The following RBFOX1 variants were observed in gnomAD, a reference collection of about 807,000 sequenced individuals.
The protein encoded by RBFOX1 is RNA binding fox-1 homolog 1.
RBFOX1 carries 8 observed loss-of-function variants against 57.7 expected under a neutral mutation model. The observed-to-expected ratio is 0.14, with a 90% confidence interval of 0.08 to 0.25. The LOEUF is 0.25. Ranked by LOEUF, RBFOX1 falls within the 10% of genes least tolerant of loss-of-function variation. The probability of loss-of-function intolerance (pLI) is 1.00; values close to 1 mark genes in which losing one functional copy is unlikely to be tolerated. For missense variants in RBFOX1, 611 were observed against 548.5 expected (o/e 1.11, Z -1.14); for synonymous variants, 326 against 222.4 (o/e 1.47, Z -4.15).
intron 4 of RBFOX1, among the ~76,000 whole-genome samples, chr16:5,994,607 A>C (rs758054904): frequency 6.6e-6 from 1 of 152,144 alleles, no homozygotes; most frequent in Non-Finnish European, 1.5e-5. Flanking sequence ...TGTAGGTCCT[A>C]CAGTCTCCAT....
chr16:7,363,381 C>G (rs548490412), intron 4 of RBFOX1, among the ~76,000 whole-genome samples: 1 of 152,108 alleles, frequency 6.6e-6, no homozygotes, highest in Non-Finnish European at 1.5e-5. Flanking sequence ...AAAACAAAGC[C>G]AATTGCATTA....
intron 4 of RBFOX1, among the ~76,000 whole-genome samples, chr16:7,230,301 C>T (rs567574817): frequency 9.2e-5 from 14 of 152,148 alleles, no homozygotes; most frequent in Admixed American, 7.2e-4. Flanking sequence ...GTCTAGTGGA[C>T]AAGGCAAAAC....
chr16:7,585,911 C>G (rs1409200728), intron 6 of RBFOX1, among the ~76,000 whole-genome samples: 2 of 152,048 alleles, frequency 1.3e-5, no homozygotes, highest in African/African-American at 2.4e-5. Context: ...CTTTTTTATC[C>G]TGCCCCACCC....
intron 2 of RBFOX1, among the ~76,000 whole-genome samples, chr16:5,533,132 A>C (rs1337217589): frequency 6.6e-6 from 1 of 152,224 alleles, no homozygotes; most frequent in African/African-American, 2.4e-5. Context: ...TCGTCATAAC[A>C]GGTGGGAGAA....
chr16:5,990,923 G>T (rs1247695868), intron 4 of RBFOX1, among the ~76,000 whole-genome samples: 1 of 152,110 alleles, frequency 6.6e-6, no homozygotes, highest in Non-Finnish European at 1.5e-5. Context: ...GCAGTGAGAT[G>T]AGCACACACC....
intron 4 of RBFOX1, among the ~76,000 whole-genome samples, chr16:7,297,592 T>A (rs1020723339): frequency 6.6e-5 from 10 of 152,138 alleles, no homozygotes; most frequent in African/African-American, 2.2e-4. Flanking sequence ...CAGTAGTGGC[T>A]TTAAGCAGGT....
intron 2 of RBFOX1, among the ~76,000 whole-genome samples, chr16:5,519,027 A>G (rs1189208690): frequency 1.3e-5 from 2 of 152,174 alleles, no homozygotes; most frequent in East Asian, 3.9e-4. Flanking sequence ...TGAGAACACG[A>G]ATGTACAGAA....
At chr16:6,146,370 A>C (rs928395903) in intron 1 of RBFOX1, among the ~76,000 whole-genome samples, 12 of 152,208 alleles carry the variant, frequency 7.9e-5, no homozygotes, top group African/African-American at 2.9e-4. Flanking sequence ...TAGCCTCCAA[A>C]ATTGTAGATC....
chr16:6,001,944 A>T (rs1005347251), intron 4 of RBFOX1, among the ~76,000 whole-genome samples: 2 of 150,370 alleles, frequency 1.3e-5, no homozygotes, highest in Non-Finnish European at 2.9e-5. Flanking sequence ...CCCTTCAAAC[A>T]TGAATAATCT....
intron 3 of RBFOX1, among the ~76,000 whole-genome samples, chr16:6,753,025 T>A (rs2154192670): frequency 6.6e-6 from 1 of 152,294 alleles, no homozygotes; most frequent in South Asian, 2.1e-4. Flanking sequence ...AATTTCAAAA[T>A]TTATTGTAAC....
At chr16:6,910,620 G>C (rs761221016) in intron 3 of RBFOX1, among the ~76,000 whole-genome samples, 7 of 152,170 alleles carry the variant, frequency 4.6e-5, no homozygotes, top group Non-Finnish European at 8.8e-5. Flanking sequence ...TATGGGAGAA[G>C]GCAGTTTCCC....
chr16:5,866,234 T>C (rs963593548), intron 3 of RBFOX1, among the ~76,000 whole-genome samples: 4 of 152,126 alleles, frequency 2.6e-5, no homozygotes, highest in African/African-American at 9.7e-5. Flanking sequence ...CTCCCAAAGT[T>C]CTGGGATTAT....
chr16:6,122,695 G>A (rs1412636100), intron 1 of RBFOX1, among the ~76,000 whole-genome samples: 3 of 152,064 alleles, frequency 2.0e-5, no homozygotes, highest in Admixed American at 2.0e-4. Context: ...TATTGAAGGG[G>A]AAAGGAGTAA....
chr16:6,296,622 G>A (rs545042690), intron 1 of RBFOX1, among the ~76,000 whole-genome samples: 15 of 152,200 alleles, frequency 9.9e-5, no homozygotes, highest in East Asian at 1.9e-4. Flanking sequence ...CGGTTTCACC[G>A]TGTTAGCTGG....
chr16:7,069,974 C>G (rs1277413996), intron 4 of RBFOX1, among the ~76,000 whole-genome samples: 2 of 152,310 alleles, frequency 1.3e-5, no homozygotes, highest in East Asian at 3.9e-4. Context: ...ATAATTCCAT[C>G]AAGTAAGGTT....
Position 7,001,564 on chromosome 16 carries a change from C to T in RBFOX1, c.-15-50493C>T, listed in dbSNP as rs9928308. Among the ~76,000 whole-genome samples the T allele has an allele frequency of 3.1e-4, 47 of 152,246 alleles. 1 individual carries two copies. Among genetic ancestry groups the T allele is most frequent in the African/African-American group, 1.1e-3 (47 of 41,560 alleles). On this transcript the variant is annotated intron_variant, in intron 3 of 15. Transcript: ENST00000550418. The stretch of plus-strand genomic sequence containing the variant: ...CTCCGCCTCCCGGGTTCAAGTGATG[C>T]TCCTACATCAGCCTCCCGAGTAGCT...
intron 4 of RBFOX1, among the ~76,000 whole-genome samples, chr16:7,054,234 T>TGGG (rs2051218226): frequency 7.0e-5 from 2 of 28,394 alleles, no homozygotes; most frequent in African/African-American, 2.7e-4. Flanking sequence ...GGCGGGGAGC[T>TGGG]TTTTTTTTTT....
chr16:6,795,003 C>T lies in RBFOX1; in HGVS notation c.-16+140353C>T, dbSNP rs150098856. ...GAGTGAGGGCTAAAATTCACATCTC[C>T]TGACAGTCAGCTTAATTCTCTTTTC... is the stretch of plus-strand genomic sequence containing the variant. On this transcript the variant is annotated intron_variant, in intron 3 of 15. Coordinates refer to ENST00000550418, the MANE Select transcript of RBFOX1 (RefSeq NM_018723.4). Among the ~76,000 whole-genome samples the T allele has an allele frequency of 2.3e-3, 353 of 152,252 alleles. 2 individuals carry two copies. Among genetic ancestry groups the T allele is most frequent in the African/African-American group, 7.6e-3 (317 of 41,556 alleles).
At chr16:6,994,219 G>T (rs1248159845) in intron 3 of RBFOX1, among the ~76,000 whole-genome samples, 1 of 152,140 alleles carries the variant, frequency 6.6e-6, no homozygotes, top group African/African-American at 2.4e-5. Flanking sequence ...AAACACTGCA[G>T]TAGTACTCTA....
Sources: allele counts gnomAD v4.1 joint callset (sites outside exome capture counted in the v4.1 genomes callset), GRCh38; gene constraint gnomAD v4.1.1; transcripts MANE v1.5; gene names NCBI Gene and HGNC (gene_info 2026-07-23, HGNC 2026-07-21).